FNDC3A: variants seen among roughly 807,000 people sequenced by gnomAD.
FNDC3A encodes the protein fibronectin type III domain containing 3A, also known as fibronectin type-III domain-containing protein 3A.
Under a neutral mutation model 148.9 loss-of-function variants are expected in FNDC3A, and 32 were observed. The observed-to-expected ratio is 0.21, with a 90% CI of 0.16 to 0.29. FNDC3A has a LOEUF of 0.29. FNDC3A is among the 10% of genes least tolerant of loss of function. The probability of loss-of-function intolerance (pLI) is 1.00; values close to 1 mark genes in which losing one functional copy is unlikely to be tolerated. For missense variants in FNDC3A, 1,191 were observed against 1,452.8 expected (o/e 0.82, Z 2.93); for synonymous variants, 472 against 473.6 (o/e 1.00, Z 0.04).
intron 8 of FNDC3A, chr13:49,146,304 A>G (rs910289962): frequency 5.9e-6 from 1 of 170,486 alleles, no homozygotes; most frequent in Non-Finnish European, 1.2e-5. Flanking sequence ...TGCTCCTCTA[A>G]GGACTGGATT....
chr13:49,151,806 C>G (rs1883313743), intron 8 of FNDC3A, among the ~76,000 whole-genome samples: 1 of 152,106 alleles, frequency 6.6e-6, no homozygotes, highest in Non-Finnish European at 1.5e-5. Context: ...TCAATTTCCA[C>G]CTATGAGTGA....
rs556593236 is a variant in FNDC3A at position 49,041,423 on chromosome 13, C to A, written c.100-33866C>A. ...TAGCACAAAACCTCACGTTACAAGA[C>A]CTTAGTAACTGATTGTTGAATGAAT... is the stretch of plus-strand genomic sequence containing the variant. On this transcript the variant is annotated intron_variant, in intron 2 of 25. Transcript: ENST00000492622. Among the ~76,000 whole-genome samples the A allele has an allele frequency of 6.6e-5, 10 of 152,308 alleles. No homozygotes were observed. The East Asian group carries it at 1.5e-3, about 23-fold the overall frequency.
intron 3 of FNDC3A, among the ~76,000 whole-genome samples, chr13:49,101,350 C>A (rs1377649228): frequency 2.0e-5 from 3 of 152,098 alleles, no homozygotes; most frequent in Non-Finnish European, 4.4e-5. Flanking sequence ...TTATTCAGAA[C>A]CTGCACTTTA....
chr13:49,168,081 C>T (rs1230698376), intron 9 of FNDC3A, among the ~76,000 whole-genome samples: 1 of 152,156 alleles, frequency 6.6e-6, no homozygotes, highest in Non-Finnish European at 1.5e-5. Context: ...GACTCTAGGG[C>T]TTACCCAGCT....
chr13:48,975,710 C>A (rs998860884), upstream of FNDC3A: 2 of 152,224 alleles, frequency 1.3e-5, no homozygotes, highest in African/African-American at 4.8e-5. Flanking sequence ...CGGGAGAAAG[C>A]CGGAAGCCCG....
chr13:49,115,191 G>A (rs554683151), intron 4 of FNDC3A, among the ~76,000 whole-genome samples: 1 of 123,486 alleles, frequency 8.1e-6, no homozygotes, highest in Admixed American at 7.9e-5. Flanking sequence ...TGAGGGGGGG[G>A]GGGAAATAAA....
At chr13:49,038,238 C>T (rs1874650377) in intron 2 of FNDC3A, among the ~76,000 whole-genome samples, 1 of 152,088 alleles carries the variant, frequency 6.6e-6, no homozygotes, top group African/African-American at 2.4e-5. Context: ...GGTCAAAAGA[C>T]AACTTTTTGG....
At chr13:49,047,306 A>G (rs113320928) in intron 2 of FNDC3A, among the ~76,000 whole-genome samples, 1,807 of 152,196 alleles carry the variant, frequency 0.012, 35 homozygotes, top group African/African-American at 0.039. Flanking sequence ...TTTTTGTACA[A>G]TGACTTCCTT....
In FNDC3A at chr13:49,207,259, C is replaced by T. The variant is rs754815868; in HGVS notation, c.3461C>T (p.Thr1154Ile). The change falls in exon 26 of 26, where the codon ACC becomes ATC. Residue 1154 changes from threonine to isoleucine, a missense_variant. Thr to Ile is a moderately conservative substitution (Grantham distance 89). Around this residue, in one of 3 missense-constraint regions of FNDC3A, gnomAD observed 751 missense variants for 944.0 expected, o/e 0.80. Transcript: ENST00000492622. ...ISQRTEPPAS[T>I]NRDTVESTRT... Reference sequence around the variant, plus strand: ...CAGAGGACTGAACCACCAGCCAGCACCAACAGAGACACTGTGGAAAGCACA... The same window carrying T: ...CAGAGGACTGAACCACCAGCCAGCATCAACAGAGACACTGTGGAAAGCACA... 2 of 1,614,198 alleles carry T rather than the reference C, an allele frequency of 1.2e-6. No homozygotes were observed. The highest frequency in any genetic ancestry group is 1.7e-5 in the Admixed American group (1 of 60,022).
intron 2 of FNDC3A, among the ~76,000 whole-genome samples, chr13:49,039,981 T>G (rs1199051769): frequency 6.6e-6 from 1 of 152,248 alleles, no homozygotes; most frequent in African/African-American, 2.4e-5. Context: ...CCCAAAGTAC[T>G]GGGATTACAG....
At chr13:49,007,996 A>G (rs1428429774) in intron 2 of FNDC3A, among the ~76,000 whole-genome samples, 1 of 152,172 alleles carries the variant, frequency 6.6e-6, no homozygotes, top group Non-Finnish European at 1.5e-5. Flanking sequence ...TTTAACTTCT[A>G]TGAGTATGTT....
intron 3 of FNDC3A, among the ~76,000 whole-genome samples, chr13:49,093,724 T>G (rs553273710): frequency 2.0e-5 from 3 of 152,292 alleles, no homozygotes; most frequent in South Asian, 4.1e-4. Context: ...CTCCAAACCA[T>G]GTACTTGCTT....
intron 8 of FNDC3A, among the ~76,000 whole-genome samples, chr13:49,153,310 A>ATGTCTTCTTTTGAGAAGTGTC (rs1883439794): frequency 6.6e-6 from 1 of 152,082 alleles, no homozygotes; most frequent in Non-Finnish European, 1.5e-5. Context: ...GGCTGCCTAA[A>ATGTCTTCTTTTGAGAAGTGTC]TGTCTTCTTT....
At chr13:49,193,394 G>C (rs1300072271) in intron 19 of FNDC3A, among the ~76,000 whole-genome samples, 1 of 152,066 alleles carries the variant, frequency 6.6e-6, no homozygotes, top group African/African-American at 2.4e-5. Context: ...CTGAGTAGCA[G>C]GGACTATAGG....
intron 4 of FNDC3A, among the ~76,000 whole-genome samples, chr13:49,121,784 C>T (rs1482279540): frequency 3.3e-5 from 5 of 152,122 alleles, no homozygotes; most frequent in Non-Finnish European, 5.9e-5. Context: ...TACACCCCCC[C>T]AAAGACTAAA....
At chr13:49,183,120 G>A (rs1885388968) in intron 14 of FNDC3A, among the ~76,000 whole-genome samples, 1 of 152,090 alleles carries the variant, frequency 6.6e-6, no homozygotes. Flanking sequence ...ACTTGAACCA[G>A]CTACCTCACC....
intron 3 of FNDC3A, among the ~76,000 whole-genome samples, chr13:49,089,911 A>T (rs999818875): frequency 3.2e-4 from 49 of 152,226 alleles, no homozygotes; most frequent in African/African-American, 1.2e-3. Context: ...TTTCTCATAA[A>T]TTACGGTACA....
At chr13:49,110,853 T>C (rs940541474) in intron 3 of FNDC3A, among the ~76,000 whole-genome samples, 2 of 152,256 alleles carry the variant, frequency 1.3e-5, no homozygotes, top group African/African-American at 2.4e-5. Flanking sequence ...AGTTGAAATA[T>C]CTTCTTTAAG....
chr13:49,183,555 A>G (rs990885690), intron 14 of FNDC3A, among the ~76,000 whole-genome samples: 7 of 152,168 alleles, frequency 4.6e-5, no homozygotes, highest in African/African-American at 1.7e-4. Flanking sequence ...GTAAAAGGAG[A>G]CAATGTTGAA....
Sources: gnomAD v4.1 joint callset for allele counts (sites outside exome capture counted in the v4.1 genomes callset) on GRCh38, gnomAD v4.1.1 for gene constraint, gnomAD v4.1.1 regional missense constraint, MANE v1.5 for transcripts, NCBI Gene and HGNC (gene_info 2026-07-23, HGNC 2026-07-21) for gene names.